The following ICA1 variants were observed in gnomAD, a reference collection of about 807,000 sequenced individuals.
The protein encoded by ICA1 is 69 kDa islet cell autoantigen.
In ICA1, 40 loss-of-function variants were observed where a neutral mutation model predicts 71.0. The ratio of observed to expected loss-of-function variants is 0.56; its 90% CI spans 0.44 to 0.73. The LOEUF is 0.73. Among genes scored for constraint, ICA1 ranks in the 30% least tolerant of loss-of-function variants. The pLI, the probability that ICA1 is intolerant of heterozygous loss-of-function variation, is 0.00. For synonymous variants in ICA1, 207 were observed against 209.5 expected, an observed-to-expected ratio of 0.99 and a Z score of 0.10; for missense variants, 578 against 576.5, an observed-to-expected ratio of 1.00 and a Z score of -0.03.
chr7:8,165,182 G>C (rs112707187), intron 6 of ICA1, among the ~76,000 whole-genome samples: 2 of 152,342 alleles, frequency 1.3e-5, no homozygotes, highest in African/African-American at 4.8e-5. Flanking sequence ...AAGACCTCTC[G>C]AGGGCCAAAT....
chr7:8,157,093 A>G (rs1338876464), intron 8 of ICA1, 23 bp downstream of exon 8: 1 of 1,614,204 alleles, frequency 6.2e-7, no homozygotes, highest in Non-Finnish European at 8.5e-7. Context: ...AAGATTTTCT[A>G]GTGGCCCCTC....
intron 1 of ICA1, among the ~76,000 whole-genome samples, chr7:8,261,146 C>T (rs550739879): frequency 3.3e-5 from 5 of 152,230 alleles, no homozygotes; most frequent in Admixed American, 2.0e-4. Flanking sequence ...CCCTTTCTTG[C>T]GCTAATTTTT....
chr7:8,244,118 A>C (rs1321862532), intron 1 of ICA1, among the ~76,000 whole-genome samples: 1 of 152,240 alleles, frequency 6.6e-6, no homozygotes, highest in Non-Finnish European at 1.5e-5. Flanking sequence ...CTGGGCAAGA[A>C]GAACAAACCT....
Position 8,144,604 on chromosome 7 carries a change from G to T in ICA1, c.805-632C>A, listed in dbSNP as rs1392995233. 6.6e-6 allele frequency among the ~76,000 whole-genome samples: 1 copy of T among 151,034 alleles called. No homozygotes were observed. Among genetic ancestry groups the T allele is most frequent in the Non-Finnish European group, 1.5e-5 (1 of 67,874 alleles). On this transcript the variant is annotated intron_variant, in intron 8 of 13. Coordinates refer to ENST00000402384, the MANE Select transcript of ICA1 (RefSeq NM_001136020.3). This position sits in a 1 kb window ranked among gnomAD's most constrained non-coding sequence, Gnocchi z 4.5. ...TCTTCTTTTGGCACATCATTTGTTG[G>T]AGTTACTATTTTCAAGGTTAACTAA... is the stretch of plus-strand genomic sequence containing the variant.
chr7:8,237,609 C>T (rs1186929681), intron 1 of ICA1, among the ~76,000 whole-genome samples: 1 of 152,108 alleles, frequency 6.6e-6, no homozygotes, highest in Non-Finnish European at 1.5e-5. Context: ...CCTCCCACAG[C>T]CCCCAGCAAC....
chr7:8,216,446 T>A lies in ICA1; in HGVS notation c.579+1859A>T, dbSNP rs540590003. 9.1e-5 allele frequency among the ~76,000 whole-genome samples: 13 copies of A among 142,634 alleles called. No homozygotes were observed. In the East Asian group the frequency reaches 1.0e-3, roughly 11 times the overall value. The allele number at this position is 142,634 out of a possible 152,430, so 93.6% of individuals were successfully genotyped here. A position where few individuals can be genotyped will look rare whatever the true frequency, so the allele number is the denominator to read the frequency against. On this transcript the variant is annotated intron_variant, in intron 6 of 13. Transcript: ENST00000402384. ...TTCTGCATGGCAAAGGATTTTTTTT[T>A]AAAAAAACATGTTTTCCAAAATCAA... is the stretch of plus-strand genomic sequence containing the variant.
At chr7:8,239,843 G>A (rs529995687) in intron 1 of ICA1, among the ~76,000 whole-genome samples, 25 of 152,362 alleles carry the variant, frequency 1.6e-4, no homozygotes, top group African/African-American at 5.3e-4. Context: ...CCTAGCTGGG[G>A]CAGGGGCGTC....
intron 6 of ICA1, among the ~76,000 whole-genome samples, chr7:8,189,139 G>T (rs1784764585): frequency 6.6e-6 from 1 of 152,146 alleles, no homozygotes; most frequent in Non-Finnish European, 1.5e-5. Flanking sequence ...TTAAAGATCT[G>T]TCTCCCCAAG....
chr7:8,140,978 G>A (rs1440359352), intron 10 of ICA1, among the ~76,000 whole-genome samples: 1 of 152,322 alleles, frequency 6.6e-6, no homozygotes, highest in Middle Eastern at 3.4e-3. Context: ...TATGTCCCCA[G>A]GGGGACCAGG....
chr7:8,194,239 C>T (rs974113342), intron 6 of ICA1, among the ~76,000 whole-genome samples: 6 of 152,136 alleles, frequency 3.9e-5, no homozygotes, highest in Admixed American at 2.0e-4. Flanking sequence ...ATATTATACC[C>T]TAGATCCCTG....
At chr7:8,251,121 C>T (rs1166397617) in intron 1 of ICA1, among the ~76,000 whole-genome samples, 1 of 152,012 alleles carries the variant, frequency 6.6e-6, no homozygotes, top group Non-Finnish European at 1.5e-5. Flanking sequence ...CTCCTGAGCT[C>T]AAGTGATCCA....
chr7:8,143,671 C>T (rs1795949506), intron 9 of ICA1, among the ~76,000 whole-genome samples: 1 of 152,162 alleles, frequency 6.6e-6, no homozygotes, highest in South Asian at 2.1e-4. Context: ...CCCCTGGAAA[C>T]CGATCTCTTA....
chr7:8,166,062 C>T (rs934392442), intron 6 of ICA1, among the ~76,000 whole-genome samples: 3 of 152,148 alleles, frequency 2.0e-5, no homozygotes, highest in Non-Finnish European at 2.9e-5. Flanking sequence ...AAATAGCCAA[C>T]GTAGTCCTAA....
intron 13 of ICA1, among the ~76,000 whole-genome samples, chr7:8,122,317 G>C (rs937902247): frequency 7.9e-5 from 12 of 152,228 alleles, no homozygotes; most frequent in African/African-American, 2.9e-4. Flanking sequence ...AAGGACCTTG[G>C]AAGCCATGCT....
intron 1 of ICA1, among the ~76,000 whole-genome samples, chr7:8,253,526 A>G (rs1172681929): frequency 6.6e-6 from 1 of 152,180 alleles, no homozygotes; most frequent in Non-Finnish European, 1.5e-5. Context: ...CTGACCCTTA[A>G]AGAAAATGGG....
intron 6 of ICA1, among the ~76,000 whole-genome samples, chr7:8,201,066 T>C (rs1004760520): frequency 2.0e-5 from 3 of 152,326 alleles, no homozygotes; most frequent in Non-Finnish European, 2.9e-5. Context: ...GTTTTAGTCA[T>C]AGAAAATTGG....
Position 8,223,807 on chromosome 7 carries a change from T to C in ICA1, c.257-2409A>G, listed in dbSNP as rs1797819963. Among the ~76,000 whole-genome samples the C allele has an allele frequency of 6.6e-6, 1 of 152,148 alleles. No individual in the cohort carries two copies. Among genetic ancestry groups the C allele is most frequent in the South Asian group, 2.1e-4 (1 of 4,820 alleles). On this transcript the variant is annotated intron_variant, in intron 4 of 13. Transcript: ENST00000402384. This position sits in a 1 kb window ranked among gnomAD's most constrained non-coding sequence, Gnocchi z 4.1. ...AAACAAAAAAAGATAACTCAAAATG[T>C]TCTATTAATAAGGTTTCAATTATCT...
At chr7:8,135,733 G>A (rs1256390315) in intron 12 of ICA1, among the ~76,000 whole-genome samples, 1 of 152,212 alleles carries the variant, frequency 6.6e-6, no homozygotes, top group Non-Finnish European at 1.5e-5. Flanking sequence ...AGTAACCAAG[G>A]AGGTAGCAGG....
intron 8 of ICA1, among the ~76,000 whole-genome samples, chr7:8,146,886 A>ACG (rs1331550743): frequency 6.2e-5 from 9 of 144,376 alleles, no homozygotes; most frequent in South Asian, 4.3e-4. Flanking sequence ...ACACACGCAC[A>ACG]CACACACACA....
Sources: gnomAD v4.1 joint callset for allele counts (sites outside exome capture counted in the v4.1 genomes callset) on GRCh38, gnomAD v4.1.1 for gene constraint, Gnocchi (gnomAD v3.1) non-coding constraint, MANE v1.5 for transcripts, NCBI Gene and HGNC (gene_info 2026-07-23, HGNC 2026-07-21) for gene names.